SLC8A1: variants seen among roughly 807,000 people sequenced by gnomAD.
SLC8A1 encodes the protein sodium/calcium exchanger 1.
SLC8A1 carries 18 observed loss-of-function variants against 68.3 expected under a neutral mutation model. That is an observed-to-expected ratio of 0.26 (90% CI 0.18 to 0.39). SLC8A1 has a LOEUF of 0.39. SLC8A1 is among the 10% of genes least tolerant of loss of function. The probability of loss-of-function intolerance (pLI) is 1.00; values close to 1 mark genes in which losing one functional copy is unlikely to be tolerated. For missense variants in SLC8A1, 985 were observed against 1,156.7 expected (o/e 0.85, Z 2.15); for synonymous variants, 475 against 415.5 (o/e 1.14, Z -1.74).
chr2:40,429,582 C>G (rs1318669664), exon 2 of SLC8A1: 1 of 1,613,546 alleles, frequency 6.2e-7, no homozygotes, highest in African/African-American at 1.3e-5. Flanking sequence ...GCAAACCTTC[C>G]CAGACCTCCA....
chr2:40,342,760 TA>T (rs1387967997), intron 2 of SLC8A1, among the ~76,000 whole-genome samples: 2 of 152,162 alleles, frequency 1.3e-5, no homozygotes, highest in African/African-American at 4.8e-5. Context: ...GCCATTTACT[TA>T]CACTTTATAT....
intron 2 of SLC8A1, among the ~76,000 whole-genome samples, chr2:40,271,491 C>T (rs2066021203): frequency 6.6e-6 from 1 of 152,200 alleles, no homozygotes; most frequent in Non-Finnish European, 1.5e-5. Context: ...TTCTTTCACT[C>T]TCTACCCCCT....
At chr2:40,392,189 G>GA (rs1685495398) in intron 2 of SLC8A1, among the ~76,000 whole-genome samples, 1 of 142,336 alleles carries the variant, frequency 7.0e-6, no homozygotes, top group South Asian at 2.2e-4. Context: ...AGAAAGAAAA[G>GA]AAAAAAGAAA....
At chr2:40,173,985 T>G (rs905062059) in intron 4 of SLC8A1, among the ~76,000 whole-genome samples, 3 of 152,194 alleles carry the variant, frequency 2.0e-5, no homozygotes, top group African/African-American at 4.8e-5. Context: ...TGCTAAATAA[T>G]GCAATCAACA....
chr2:40,207,970 G>T (rs1004248110), intron 2 of SLC8A1, among the ~76,000 whole-genome samples: 2 of 151,956 alleles, frequency 1.3e-5, no homozygotes, highest in Admixed American at 6.6e-5. Context: ...GTAACCTTAG[G>T]GTCCGTGAAC....
chr2:40,322,603 G>C (rs1222322128), intron 2 of SLC8A1, among the ~76,000 whole-genome samples: 1 of 151,788 alleles, frequency 6.6e-6, no homozygotes, highest in Non-Finnish European at 1.5e-5. Flanking sequence ...TTGAGCTCAG[G>C]AGTCTGATGC....
chr2:40,126,116 TCAGGTCCTCATGCTGCCAGTA>T (rs1314301799), intron 7 of SLC8A1, among the ~76,000 whole-genome samples: 1 of 152,144 alleles, frequency 6.6e-6, no homozygotes, highest in African/African-American at 2.4e-5. Context: ...TTTCTGGTGT[TCAGGTCCTCATGCTGCCAGTA>T]CATTTCCAGG....
intron 2 of SLC8A1, among the ~76,000 whole-genome samples, chr2:40,257,424 CT>C (rs560681453): frequency 0.08 from 11,570 of 144,790 alleles, 425 homozygotes; most frequent in Non-Finnish European, 0.083. Context: ...TGTTTACCAC[CT>C]TTTTTTTTTT....
intron 2 of SLC8A1, among the ~76,000 whole-genome samples, chr2:40,196,911 A>G (rs1195225870): frequency 6.6e-6 from 1 of 152,010 alleles, no homozygotes; most frequent in Non-Finnish European, 1.5e-5. Context: ...CTCTCAGTGC[A>G]TTGATTAGTG....
At chr2:40,322,544 T>TG (rs1440451708) in intron 2 of SLC8A1, among the ~76,000 whole-genome samples, 2 of 146,538 alleles carry the variant, frequency 1.4e-5, no homozygotes, top group South Asian at 4.4e-4. Flanking sequence ...GGCATGGTGG[T>TG]GCACACCTTT....
intron 7 of SLC8A1, among the ~76,000 whole-genome samples, chr2:40,130,825 T>C (rs2039170540): frequency 6.6e-6 from 1 of 152,166 alleles, no homozygotes. Flanking sequence ...GAAATGTCAA[T>C]GTTGAGAGGA....
At chr2:40,376,408 A>G (rs1050734623) in intron 2 of SLC8A1, among the ~76,000 whole-genome samples, 1 of 152,078 alleles carries the variant, frequency 6.6e-6, no homozygotes, top group Non-Finnish European at 1.5e-5. Flanking sequence ...CTATAAAAGC[A>G]AGTCTCAGAC....
At chr2:40,479,494 G>A (rs1162648567) in intron 1 of SLC8A1, among the ~76,000 whole-genome samples, 2 of 152,090 alleles carry the variant, frequency 1.3e-5, no homozygotes, top group Non-Finnish European at 2.9e-5. Flanking sequence ...TGGTCATCTG[G>A]TTGGATATTA....
intron 1 of SLC8A1, among the ~76,000 whole-genome samples, chr2:40,484,863 C>G (rs1198629659): frequency 6.6e-6 from 1 of 152,160 alleles, no homozygotes; most frequent in African/African-American, 2.4e-5. Flanking sequence ...GTAATGAAAT[C>G]TCAGCAGAAG....
At chr2:40,472,791 TAC>T (rs1406372563) in intron 1 of SLC8A1, among the ~76,000 whole-genome samples, 1 of 152,150 alleles carries the variant, frequency 6.6e-6, no homozygotes, top group African/African-American at 2.4e-5. Context: ...AATCTAAACT[TAC>T]GGATTACTAG....
intron 2 of SLC8A1, among the ~76,000 whole-genome samples, chr2:40,278,277 T>G (rs891093473): frequency 1.4e-4 from 22 of 152,196 alleles, no homozygotes; most frequent in African/African-American, 5.3e-4. Context: ...GAGACCATCC[T>G]GGCCAACATG....
At chr2:40,391,926 A>G (rs944457547) in intron 2 of SLC8A1, among the ~76,000 whole-genome samples, 2 of 152,078 alleles carry the variant, frequency 1.3e-5, no homozygotes, top group African/African-American at 4.8e-5. Flanking sequence ...TGTCACTAGA[A>G]TTGTTTAGTT....
At chr2:40,367,295 T>A (rs1262144921) in intron 2 of SLC8A1, among the ~76,000 whole-genome samples, 2 of 152,062 alleles carry the variant, frequency 1.3e-5, no homozygotes, top group African/African-American at 4.8e-5. Flanking sequence ...AATCTTCTTC[T>A]GCCTGTGTTC....
intron 2 of SLC8A1, among the ~76,000 whole-genome samples, chr2:40,296,749 T>C (rs1420151128): frequency 6.6e-6 from 1 of 152,228 alleles, no homozygotes; most frequent in African/African-American, 2.4e-5. Flanking sequence ...TCCCCCATCC[T>C]GTGGGAAACG....
Sources: allele counts gnomAD v4.1 joint callset (sites outside exome capture counted in the v4.1 genomes callset), GRCh38; gene constraint gnomAD v4.1.1; transcripts MANE v1.5; gene names NCBI Gene and HGNC (gene_info 2026-07-23, HGNC 2026-07-21).